Variants in NXPH1 observed in about 807,000 individuals in gnomAD.
NXPH1 encodes neurexophilin-1.
Under a neutral mutation model 23.7 loss-of-function variants are expected in NXPH1, and 5 were observed. That is an observed-to-expected ratio of 0.21 (90% CI 0.11 to 0.44). The LOEUF is 0.44. Ranked by LOEUF, NXPH1 falls within the 20% of genes least tolerant of loss-of-function variation. The pLI is 0.99. For missense variants in NXPH1, 324 were observed against 321.6 expected, an observed-to-expected ratio of 1.01 and a Z score of -0.06; for synonymous variants, 144 against 122.2, an observed-to-expected ratio of 1.18 and a Z score of -1.18.
At chr7:8,519,898 A>G (rs1162605235) in intron 2 of NXPH1, among the ~76,000 whole-genome samples, 1 of 152,192 alleles carries the variant, frequency 6.6e-6, no homozygotes, top group African/African-American at 2.4e-5. Context: ...ACATTAATGT[A>G]TCATTTGAAA....
intron 2 of NXPH1, among the ~76,000 whole-genome samples, chr7:8,457,063 G>A (rs1816608631): frequency 6.6e-6 from 1 of 152,090 alleles, no homozygotes; most frequent in Admixed American, 6.5e-5. Flanking sequence ...CTTGATACGA[G>A]GGTTTTTAAA....
chr7:8,548,636 G>A (rs1404303601), intron 2 of NXPH1, among the ~76,000 whole-genome samples: 1 of 151,500 alleles, frequency 6.6e-6, no homozygotes, highest in Non-Finnish European at 1.5e-5. Flanking sequence ...ACTAAAGTTA[G>A]TATTATACAG....
chr7:8,601,779 C>A (rs138921594), intron 2 of NXPH1, among the ~76,000 whole-genome samples: 5 of 152,282 alleles, frequency 3.3e-5, no homozygotes, highest in Admixed American at 6.5e-5. Context: ...GATTTGTGAT[C>A]CAACTGGCTG....
At chr7:8,610,900 G>T (rs934627334) in intron 2 of NXPH1, among the ~76,000 whole-genome samples, 1 of 151,920 alleles carries the variant, frequency 6.6e-6, no homozygotes, top group African/African-American at 2.4e-5. Flanking sequence ...AGAGGCTCAG[G>T]TGGGCATGGA....
At chr7:8,535,566 G>A (rs1818014228) in intron 2 of NXPH1, among the ~76,000 whole-genome samples, 1 of 151,538 alleles carries the variant, frequency 6.6e-6, no homozygotes, top group African/African-American at 2.4e-5. Flanking sequence ...CCAAACACAA[G>A]AACAAACCAA....
At chr7:8,514,020 C>G (rs1817652932) in intron 2 of NXPH1, among the ~76,000 whole-genome samples, 1 of 152,064 alleles carries the variant, frequency 6.6e-6, no homozygotes, top group African/African-American at 2.4e-5. Flanking sequence ...TTTGTTTTCT[C>G]TCTGTGCATC....
At chr7:8,570,710 G>T (rs547772220) in intron 2 of NXPH1, among the ~76,000 whole-genome samples, 5 of 151,920 alleles carry the variant, frequency 3.3e-5, no homozygotes, top group Admixed American at 6.6e-5. Context: ...ATGTACAAAG[G>T]TCTGGAAGTG....
At chr7:8,627,560 G>A (rs1820020752) in intron 2 of NXPH1, among the ~76,000 whole-genome samples, 1 of 152,122 alleles carries the variant, frequency 6.6e-6, no homozygotes, top group Non-Finnish European at 1.5e-5. Context: ...AATGCCAAGG[G>A]GCTGGGAGAG....
rs185759224 is a variant in NXPH1, at chr7:8,626,920, T to G, written c.55-124088T>G. On this transcript the variant is annotated intron_variant, in intron 2 of 2. Transcript: ENST00000405863. ...TGCTCAGACTCCCTCTTTACCAGGG[T>G]CTTTTTCCTGACATCCTCATTCCTT... 8.5e-5 allele frequency among the ~76,000 whole-genome samples: 13 copies of G among 152,236 alleles called. No individual in the cohort carries two copies. The East Asian group carries it at 2.5e-3, about 29-fold the overall frequency.
intron 2 of NXPH1, among the ~76,000 whole-genome samples, chr7:8,453,775 G>T (rs6463811): frequency 6.6e-6 from 1 of 151,970 alleles, no homozygotes; most frequent in Non-Finnish European, 1.5e-5. Flanking sequence ...TGGCTGCATA[G>T]TATTCCATCT....
intron 2 of NXPH1, among the ~76,000 whole-genome samples, chr7:8,738,729 C>G (rs1313875380): frequency 6.6e-6 from 1 of 152,140 alleles, no homozygotes; most frequent in African/African-American, 2.4e-5. Flanking sequence ...CCACAGCTAC[C>G]ACTTCCCCCA....
At chr7:8,642,352 A>G (rs1820330700) in intron 2 of NXPH1, among the ~76,000 whole-genome samples, 1 of 152,132 alleles carries the variant, frequency 6.6e-6, no homozygotes, top group South Asian at 2.1e-4. Context: ...TATCATTTCG[A>G]ATATTTTGTA....
chr7:8,740,500 T>A (rs1162132438), intron 2 of NXPH1, among the ~76,000 whole-genome samples: 1 of 152,292 alleles, frequency 6.6e-6, no homozygotes, highest in African/African-American at 2.4e-5. Context: ...AATGATGAAG[T>A]AGCAGGATTT....
chr7:8,541,676 T>C (rs1818119223), intron 2 of NXPH1, among the ~76,000 whole-genome samples: 1 of 151,440 alleles, frequency 6.6e-6, no homozygotes, highest in South Asian at 2.1e-4. Context: ...TAATATGGAG[T>C]TAAAAACATG....
chr7:8,704,079 T>C (rs547751509), intron 2 of NXPH1, among the ~76,000 whole-genome samples: 2 of 152,286 alleles, frequency 1.3e-5, no homozygotes, highest in Non-Finnish European at 2.9e-5. Context: ...TGTAATGATA[T>C]ATATATAGCA....
intron 2 of NXPH1, among the ~76,000 whole-genome samples, chr7:8,485,077 G>C (rs6971642): frequency 2.0e-5 from 3 of 151,888 alleles, no homozygotes; most frequent in Non-Finnish European, 4.4e-5. Context: ...CTCTTCTAAC[G>C]TAAGAAGAAC....
At chr7:8,583,201 C>G (rs1818915649) in intron 2 of NXPH1, among the ~76,000 whole-genome samples, 1 of 152,224 alleles carries the variant, frequency 6.6e-6, no homozygotes, top group Non-Finnish European at 1.5e-5. Context: ...GTCTGCCAAT[C>G]TGTATATCTA....
At chr7:8,650,907 T>C (rs1400408375) in intron 2 of NXPH1, among the ~76,000 whole-genome samples, 1 of 152,220 alleles carries the variant, frequency 6.6e-6, no homozygotes, top group East Asian at 1.9e-4. Flanking sequence ...AATAAAATGT[T>C]GAAAATATAC....
chr7:8,696,528 G>A (rs1779513740), intron 2 of NXPH1, among the ~76,000 whole-genome samples: 1 of 152,146 alleles, frequency 6.6e-6, no homozygotes, highest in Non-Finnish European at 1.5e-5. Context: ...AGATCTCTCT[G>A]GGGATATAAC....
Sources: gnomAD v4.1 joint callset for allele counts (sites outside exome capture counted in the v4.1 genomes callset) on GRCh38, gnomAD v4.1.1 for gene constraint, MANE v1.5 for transcripts, NCBI Gene and HGNC (gene_info 2026-07-23, HGNC 2026-07-21) for gene names.